Variants in HS2ST1 observed in about 807,000 individuals in gnomAD.
The protein encoded by HS2ST1 is 2-O-sulfotransferase.
A neutral mutation model predicts 42.9 loss-of-function variants in HS2ST1; 18 were observed. The ratio of observed to expected loss-of-function variants is 0.42; its 90% confidence interval spans 0.29 to 0.62. The LOEUF (loss-of-function observed/expected upper bound fraction) is 0.62. HS2ST1 is among the 20% of genes least tolerant of loss of function. The probability of loss-of-function intolerance (pLI) is 0.21; values close to 1 mark genes in which losing one functional copy is unlikely to be tolerated. For missense variants in HS2ST1, 334 were observed against 433.8 expected, an observed-to-expected ratio of 0.77 and a Z score of 2.04; for synonymous variants, 146 against 152.9, an observed-to-expected ratio of 0.95 and a Z score of 0.33.
intron 1 of HS2ST1, among the ~76,000 whole-genome samples, chr1:87,063,162 A>G (rs1248860683): frequency 6.6e-6 from 1 of 152,106 alleles, no homozygotes; most frequent in Non-Finnish European, 1.5e-5. Context: ...GTTCTAGACC[A>G]CAGTTTCTTG....
At chr1:86,946,514 C>G (rs1226117751) in intron 1 of HS2ST1, among the ~76,000 whole-genome samples, 3 of 152,128 alleles carry the variant, frequency 2.0e-5, no homozygotes, top group Admixed American at 6.5e-5. Flanking sequence ...GCTGGCTTGC[C>G]TGAAGTAATG....
chr1:86,935,455 CTTT>C (rs552713297), intron 1 of HS2ST1, among the ~76,000 whole-genome samples: 2 of 62,060 alleles, frequency 3.2e-5, no homozygotes, highest in Middle Eastern at 0.018. Flanking sequence ...TCTTTTTCTC[CTTT>C]TTTTTTTTTT....
In HS2ST1 at chr1:87,027,967, G is replaced by A. The variant is rs147811530; in HGVS notation, c.125-44967G>A. On this transcript the variant is annotated intron_variant, in intron 1 of 6. Coordinates refer to ENST00000370550, the MANE Select transcript of HS2ST1 (RefSeq NM_012262.4). ...GGCCTCCCGAAGTGCTGGGATTACA[G>A]GCATGAGCCACCACGCCCGGCTGGG... 1.5e-4 allele frequency among the ~76,000 whole-genome samples: 23 copies of A among 152,352 alleles called. No individual in the cohort carries two copies. The East Asian group carries it at 2.3e-3, about 15-fold the overall frequency.
At position 87,109,264 on chromosome 1, in the gene HS2ST1, CAACTT is replaced by C. The variant is rs1421453973; in HGVS notation, c.*4573_*4577del. The C allele has an allele frequency of 1.3e-5, 2 of 152,322 alleles. No homozygotes were observed. Among genetic ancestry groups the C allele is most frequent in the African/African-American group, 2.4e-5 (1 of 41,436 alleles). The allele number at this position is 152,322 out of a possible 1,614,324, so 9.4% of individuals were successfully genotyped here. A position where few individuals can be genotyped will look rare whatever the true frequency, so the allele number is the denominator to read the frequency against. On this transcript the variant is annotated 3_prime_UTR_variant, in exon 7 of 7. Coordinates refer to ENST00000370550, the MANE Select transcript of HS2ST1 (RefSeq NM_012262.4). Reference sequence around the variant, plus strand: ...TCCAAGCTGACTCAGTGTTCAGTGTCAACTTAACTCTCAGATAGTGTTGCCATCAA... The same window carrying C: ...TCCAAGCTGACTCAGTGTTCAGTGTCAACTCTCAGATAGTGTTGCCATCAA...
chr1:87,062,310 A>T (rs74446419), intron 1 of HS2ST1, among the ~76,000 whole-genome samples: 1 of 150,176 alleles, frequency 6.7e-6, no homozygotes, highest in African/African-American at 2.4e-5. Context: ...ATTTTTTTTT[A>T]GAATTGCATT....
At chr1:87,045,052 C>T in intron 1 of HS2ST1, 2 of 1,194,114 alleles carry the variant, frequency 1.7e-6, no homozygotes, top group Non-Finnish European at 2.5e-6. Context: ...CTGACGTCAG[C>T]ATTCTTTGAA....
intron 1 of HS2ST1, chr1:87,064,482 TA>T (rs1183648783): frequency 1.9e-6 from 1 of 518,702 alleles, no homozygotes; most frequent in East Asian, 5.5e-5. Context: ...AGCTCTTTTT[TA>T]TAGGATGATT....
At chr1:86,924,412 G>T (rs1182976679) in intron 1 of HS2ST1, among the ~76,000 whole-genome samples, 2 of 152,330 alleles carry the variant, frequency 1.3e-5, no homozygotes, top group East Asian at 3.9e-4. Flanking sequence ...CCACTAGGTG[G>T]TGCCCCAGTA....
At chr1:87,095,425 ACTG>A (rs753549023) in intron 4 of HS2ST1, among the ~76,000 whole-genome samples, 1 of 152,176 alleles carries the variant, frequency 6.6e-6, no homozygotes, top group Non-Finnish European at 1.5e-5. Context: ...AGTAATCTGA[ACTG>A]CTCCGTGGTT....
At chr1:87,000,964 G>A (rs535287228) in intron 1 of HS2ST1, among the ~76,000 whole-genome samples, 2 of 152,232 alleles carry the variant, frequency 1.3e-5, no homozygotes, top group African/African-American at 4.8e-5. Flanking sequence ...CAGTATATTG[G>A]TTTCCAGGGT....
intron 2 of HS2ST1, among the ~76,000 whole-genome samples, chr1:87,077,149 G>A (rs1651567457): frequency 6.6e-6 from 1 of 152,154 alleles, no homozygotes; most frequent in African/African-American, 2.4e-5. Flanking sequence ...TGCAGTTTGA[G>A]TAACAAAGAT....
rs759186489 is a variant in HS2ST1, at chr1:87,103,595, T to A, written c.844+6T>A. 3 of 1,554,782 alleles carry A rather than the reference T, an allele frequency of 1.9e-6. No individual in the cohort carries two copies. The highest frequency in any genetic ancestry group is 2.6e-6 in the Non-Finnish European group (3 of 1,156,310). ...TACTGAACTCTATCGCACAGGTATA[T>A]AAAGGAAGGGTTTCTTTTTAAAGCT... On this transcript the variant is annotated splice_donor_region_variant and intron_variant, in intron 6 of 6. Coordinates refer to ENST00000370550, the MANE Select transcript of HS2ST1 (RefSeq NM_012262.4).
At chr1:86,945,912 AAAAAT>A (rs1348692210) in intron 1 of HS2ST1, among the ~76,000 whole-genome samples, 2 of 152,176 alleles carry the variant, frequency 1.3e-5, no homozygotes, top group Non-Finnish European at 2.9e-5. Flanking sequence ...CTATAAAAAT[AAAAAT>A]AAAATAACCT....
Position 87,055,716 on chromosome 1 carries a change from T to C in HS2ST1, c.125-17218T>C, listed in dbSNP as rs1026792054. Among the ~76,000 whole-genome samples, 81 of 152,310 alleles carry C rather than the reference T, an allele frequency of 5.3e-4. 1 individual carries two copies. Among genetic ancestry groups the C allele is most frequent in the Admixed American group, 1.3e-4 (2 of 15,296 alleles). On this transcript the variant is annotated intron_variant, in intron 1 of 6. Transcript: ENST00000370550. The stretch of plus-strand genomic sequence containing the variant: ...TTTCATAATAATTCTAAGATGTTAG[T>C]TGCCTTTTTCACTAGTTGACATTTG...
chr1:86,930,307 G>C (rs1660517453), intron 1 of HS2ST1, among the ~76,000 whole-genome samples: 1 of 151,788 alleles, frequency 6.6e-6, no homozygotes, highest in South Asian at 2.1e-4. Flanking sequence ...AGAAATGCTG[G>C]ATTTGTTGGA....
intron 1 of HS2ST1, among the ~76,000 whole-genome samples, chr1:87,068,862 A>C (rs1427873320): frequency 6.6e-6 from 1 of 152,108 alleles, no homozygotes; most frequent in Non-Finnish European, 1.5e-5. Context: ...TTTTTATTTA[A>C]AATTTTTTTT....
chr1:86,953,766 T>TA (rs1647591793), intron 1 of HS2ST1, among the ~76,000 whole-genome samples: 2 of 151,312 alleles, frequency 1.3e-5, no homozygotes, highest in African/African-American at 2.4e-5. Flanking sequence ...TCTCAAAAAA[T>TA]AAAAAAATTT....
intron 1 of HS2ST1, among the ~76,000 whole-genome samples, chr1:87,065,880 T>C (rs142214465): frequency 6.5e-4 from 99 of 152,332 alleles, no homozygotes; most frequent in Middle Eastern, 3.4e-3. Flanking sequence ...ACTTATCTAG[T>C]TGTTATCAAT....
At chr1:87,101,149 G>GTGTGTTTTT (rs1557546421) in intron 5 of HS2ST1, among the ~76,000 whole-genome samples, 10 of 59,542 alleles carry the variant, frequency 1.7e-4, no homozygotes, top group African/African-American at 6.5e-4. Context: ...GTGTGTGTGT[G>GTGTGTTTTT]TTTTTTGTTT....
Sources: allele counts gnomAD v4.1 joint callset (sites outside exome capture counted in the v4.1 genomes callset), GRCh38; gene constraint gnomAD v4.1.1; transcripts MANE v1.5; gene names NCBI Gene and HGNC (gene_info 2026-07-23, HGNC 2026-07-21).